The following CLEC1B variants were observed in gnomAD, a reference collection of about 807,000 sequenced individuals.
CLEC1B encodes C-type lectin domain family 1 member B, also known as C-type lectin-like receptor 2.
A neutral mutation model predicts 26.7 loss-of-function variants in CLEC1B; 26 were observed. The observed-to-expected ratio is 0.97, with a 90% CI of 0.71 to 1.35. The LOEUF (loss-of-function observed/expected upper bound fraction) is 1.35, where lower values mean the gene tolerates loss of function less well. CLEC1B is among the 40% of genes most tolerant of loss of function. CLEC1B has a pLI of 0.00. For synonymous variants in CLEC1B, 112 were observed against 96.0 expected (o/e 1.17, Z -0.97); for missense variants, 293 against 282.6 (o/e 1.04, Z -0.26).
At chr12:10,000,058 G>A (rs1255272702), upstream of CLEC1B, among the ~76,000 whole-genome samples, 1 of 152,196 alleles carries the variant, frequency 6.6e-6, no homozygotes, top group Non-Finnish European at 1.5e-5. Flanking sequence ...TATTGGGGAG[G>A]ATGTTGTCTA....
upstream of CLEC1B, among the ~76,000 whole-genome samples, chr12:10,000,367 T>C (rs1321941862): frequency 6.6e-6 from 1 of 152,232 alleles, no homozygotes; most frequent in Non-Finnish European, 1.5e-5. Flanking sequence ...TCTAAATTTC[T>C]TTCTCTATAC....
intron 4 of CLEC1B, among the ~76,000 whole-genome samples, chr12:9,995,989 A>G (rs1215722595): frequency 6.6e-6 from 1 of 152,172 alleles, no homozygotes; most frequent in African/African-American, 2.4e-5. Context: ...GAATCAATCA[A>G]TCTATGGGTA....
chr12:9,995,977 G>T (rs528151882), intron 4 of CLEC1B, among the ~76,000 whole-genome samples: 1 of 152,250 alleles, frequency 6.6e-6, no homozygotes, highest in East Asian at 1.9e-4. Context: ...GAAGGAATAA[G>T]TGAATCAATC....
upstream of CLEC1B, among the ~76,000 whole-genome samples, chr12:9,999,474 C>T (rs4764179): frequency 0.44 from 66,365 of 152,000 alleles, 14,782 homozygotes; most frequent in Non-Finnish European, 0.45. Context: ...GTCTAAATTA[C>T]ATTGCTCAAA....
Position 9,996,902 on chromosome 12 carries a change from G to C in CLEC1B, c.382C>G (p.Gln128Glu). The change falls in exon 4 of 6, where the codon CAG becomes GAG. Residue 128 changes from glutamine (Q) to glutamate (E), a missense_variant. Physicochemically the swap from Gln to Glu is conservative, Grantham distance 29. Coordinates refer to ENST00000298527, the MANE Select transcript of CLEC1B (RefSeq NM_016509.4). ...GTAGCATTCATGTCAGTGCAGTACT[G>C]CTTACTCTCTTCCCATGTTAAGTTG... is the stretch of plus-strand genomic sequence containing the variant. ...RHNLTWEESK[Q>E]YCTDMNATLL... The C allele has an allele frequency of 6.2e-7, 1 of 1,613,886 alleles. No individual in the cohort carries two copies. The highest frequency in any genetic ancestry group is 1.1e-5 in the South Asian group (1 of 91,072).
rs550197772 is a variant in CLEC1B at position 9,998,227 on chromosome 12, T to C, written c.163+55A>G. ...TTGAGAAGCTTAGTGGGATATGCCA[T>C]GACCCTTCAGTATTACCTTCCTCCA... On this transcript the variant is annotated intron_variant, in intron 2 of 5. Transcript: ENST00000298527. 1.6e-3 allele frequency: 2,148 copies of C among 1,333,750 alleles called. 4 individuals are homozygous for C. Among genetic ancestry groups the C allele is most frequent in the Non-Finnish European group, 2.0e-3 (1,845 of 924,206 alleles). The allele number at this position is 1,333,750 out of a possible 1,614,324, so 82.6% of individuals were successfully genotyped here.
chr12:9,994,888 A>C, intron 5 of CLEC1B: 2 of 819,802 alleles, frequency 2.4e-6, no homozygotes, highest in Non-Finnish European at 1.7e-6. Flanking sequence ...GTTCCATGGT[A>C]AGGTTGAATG....
chr12:10,001,346 G>A (rs1234605143), upstream of CLEC1B, among the ~76,000 whole-genome samples: 2 of 152,100 alleles, frequency 1.3e-5, no homozygotes, highest in Admixed American at 6.6e-5. Context: ...TTAACACTCC[G>A]CCTTTGAAGA....
At chr12:9,998,228 G>A (rs1865098303) in intron 2 of CLEC1B, 54 bp downstream of exon 2, 1 of 1,331,832 alleles carries the variant, frequency 7.5e-7, no homozygotes, top group African/African-American at 1.4e-5. Context: ...GATATGCCAT[G>A]ACCCTTCAGT....
At chr12:9,995,050 C>T (rs1210872539) in intron 5 of CLEC1B, 90 bp downstream of exon 5, 1 of 1,590,516 alleles carries the variant, frequency 6.3e-7, no homozygotes. Flanking sequence ...CTTCTATAAC[C>T]CATAGTAGTG....
chr12:9,996,770 A>C, intron 4 of CLEC1B, 76 bp downstream of exon 4: 2 of 1,513,424 alleles, frequency 1.3e-6, no homozygotes, highest in Non-Finnish European at 1.8e-6. Context: ...AATGTAAAAA[A>C]CAAAAAAAGG....
At chr12:9,998,978 A>C in intron 1 of CLEC1B, 59 bp downstream of exon 1, 1 of 983,088 alleles carries the variant, frequency 1.0e-6, no homozygotes, top group Non-Finnish European at 1.6e-6. Context: ...AAAAAGAAAG[A>C]ATTGAATCAA....
At position 9,995,155 on chromosome 12, in the gene CLEC1B, A is replaced by G. The variant is rs780927328; in HGVS notation, c.530T>C (p.Val177Ala). 2.5e-6 allele frequency: 4 copies of G among 1,612,648 alleles called. No homozygotes were observed. The stretch of plus-strand genomic sequence containing the variant: ...AGTGACTTACATATTTTCTGAGATA[A>G]CCGAGCCATCCTCCCACTTCCAGAC... The part of the protein sequence containing the change: ...NEVWKWEDGS[V>A]ISENMFEFLE... Residue 177 changes from valine to alanine, a missense_variant, in exon 5 of 6, where the codon GTT becomes GCT. Physicochemically the swap from Val to Ala is moderately conservative, Grantham distance 64 (BLOSUM62 0). Transcript: ENST00000298527.
rs1239010854 is a variant in CLEC1B, at chr12:9,993,159, AC to A, written c.673del (p.Val225TrpfsTer13). On this transcript the variant is annotated frameshift_variant, in exon 6 of 6. Transcript: ENST00000298527. LOFTEE classifies it high-confidence loss of function. ...CTCTTTGCATTAAGGTAGTTGGTCC[AC>A]CTTGGTCATGCCAGCCTTCCTCTCA... ...MCERKAGMTKVDQLP is the reference protein window; with the variant it reads ...MCERKAGMTKXDQLP 1 of 1,611,212 alleles carries A rather than the reference AC, an allele frequency of 6.2e-7. No individual in the cohort carries two copies. The highest frequency in any genetic ancestry group is 2.2e-5 in the East Asian group (1 of 44,834).
Position 9,997,215 on chromosome 12 carries a change from T to A in CLEC1B, c.228A>T (p.Leu76Phe), listed in dbSNP as rs200687802. ...CCACATATTGACAGAAGCGCTTTGC[T>A]AATTGTTGCAGAGTTCCTGTGCGAT... is the stretch of plus-strand genomic sequence containing the variant. ...NENRTGTLQQ[L>F]AKRFCQYVVK... The change falls in exon 3 of 6, where the codon TTA (leucine) becomes TTT (phenylalanine). Residue 76 changes from leucine to phenylalanine, a missense_variant. Physicochemically the swap from Leu to Phe is conservative, Grantham distance 22. Transcript: ENST00000298527. 55 of 1,613,880 alleles carry A rather than the reference T, an allele frequency of 3.4e-5. No homozygotes were observed. The highest frequency in any genetic ancestry group is 3.3e-4 in the Middle Eastern group (2 of 6,084).
intron 4 of CLEC1B, chr12:9,995,661 T>C (rs1865026296): frequency 4.4e-6 from 1 of 225,666 alleles, no homozygotes; most frequent in Non-Finnish European, 8.9e-6. Context: ...GTTTTATTGC[T>C]CAGCTTGCCT....
upstream of CLEC1B, among the ~76,000 whole-genome samples, chr12:10,000,199 A>G (rs1865140945): frequency 6.6e-6 from 1 of 152,212 alleles, no homozygotes; most frequent in South Asian, 2.1e-4. Flanking sequence ...TTCTTTACTT[A>G]GCAGAGTGTT....
Position 9,996,942 on chromosome 12 carries a change from A to G in CLEC1B, c.342T>C (p.Tyr114=), listed in dbSNP as rs769281838. The stretch of plus-strand genomic sequence containing the variant: ...ATGTTAAGTTGTGCCTGAAGAACCC[A>G]TAGCAGCTATCTCCATAATATCTCC... ...TNWRYYGDSC[Y]GFFRHNLTWE... Residue 114 remains tyrosine (Y), a synonymous_variant, in exon 4 of 6, where the codon TAT becomes TAC. Transcript: ENST00000298527. The G allele has an allele frequency of 2.7e-5, 43 of 1,614,148 alleles. No homozygotes were observed. Among genetic ancestry groups the G allele is most frequent in the Non-Finnish European group, 3.6e-5 (43 of 1,180,010 alleles).
At chr12:9,998,784 C>G (rs1003244470) in intron 1 of CLEC1B, among the ~76,000 whole-genome samples, 1 of 152,088 alleles carries the variant, frequency 6.6e-6, no homozygotes, top group South Asian at 2.1e-4. Context: ...TCCGTTATCC[C>G]CTTGACTTCT....
Sources: allele counts gnomAD v4.1 joint callset (sites outside exome capture counted in the v4.1 genomes callset), GRCh38; gene constraint gnomAD v4.1.1; transcripts MANE v1.5; gene names NCBI Gene and HGNC (gene_info 2026-07-23, HGNC 2026-07-21).